UVRAG: variants seen among roughly 807,000 people sequenced by gnomAD.
UVRAG encodes UV radiation resistance associated.
In UVRAG, 19 loss-of-function variants were observed where a neutral mutation model predicts 78.0. The ratio of observed to expected loss-of-function variants is 0.24; its 90% CI spans 0.17 to 0.36. The LOEUF (loss-of-function observed/expected upper bound fraction) is 0.36. Ranked by LOEUF, UVRAG falls within the 10% of genes least tolerant of loss-of-function variation. UVRAG has a pLI of 1.00. For missense variants in UVRAG, 740 were observed against 853.8 expected, an observed-to-expected ratio of 0.87 and a Z score of 1.66; for synonymous variants, 323 against 324.6, an observed-to-expected ratio of 1.00 and a Z score of 0.05.
At chr11:75,972,481 G>A (rs1045637365) in intron 7 of UVRAG, among the ~76,000 whole-genome samples, 3 of 151,846 alleles carry the variant, frequency 2.0e-5, no homozygotes, top group Non-Finnish European at 2.9e-5. Flanking sequence ...TGCATGTGGC[G>A]GTCCAGTGGT....
At chr11:75,944,336 A>G (rs896340679) in intron 6 of UVRAG, among the ~76,000 whole-genome samples, 10 of 152,158 alleles carry the variant, frequency 6.6e-5, no homozygotes, top group Admixed American at 6.6e-4. Context: ...AGATACAGAT[A>G]ACTTCAATAA....
intron 1 of UVRAG, chr11:75,837,612 A>G (rs1359618642): frequency 1.3e-5 from 2 of 152,144 alleles, no homozygotes; most frequent in African/African-American, 4.8e-5. Flanking sequence ...GTTCTGATCA[A>G]CTAGTTGTGA....
chr11:76,051,631 C>T (rs1358381499), intron 12 of UVRAG, among the ~76,000 whole-genome samples: 3 of 152,114 alleles, frequency 2.0e-5, no homozygotes, highest in Admixed American at 6.5e-5. Flanking sequence ...CCCTGAAATT[C>T]CATTCTTTTT....
rs555543743 is a variant in UVRAG, at chr11:75,925,429, G to C, written c.593+13390G>C. Among the ~76,000 whole-genome samples, 7 of 152,308 alleles carry C rather than the reference G, an allele frequency of 4.6e-5. No individual in the cohort carries two copies. In the South Asian group the frequency reaches 1.2e-3, roughly 27 times the overall value. ...TGTTTCACCTTGGAAGAGAATCTGAGACTCAGCATGTTTATCTATTGAGAG... is the reference window on the plus strand; with the variant it reads ...TGTTTCACCTTGGAAGAGAATCTGACACTCAGCATGTTTATCTATTGAGAG... On this transcript the variant is annotated intron_variant, in intron 6 of 14. Coordinates refer to ENST00000356136, the MANE Select transcript of UVRAG (RefSeq NM_003369.4).
intron 13 of UVRAG, among the ~76,000 whole-genome samples, chr11:76,079,189 G>A (rs1252133186): frequency 6.6e-6 from 1 of 152,128 alleles, no homozygotes; most frequent in Non-Finnish European, 1.5e-5. Context: ...GATCAAAAAG[G>A]TTTTAAGATT....
intron 14 of UVRAG, chr11:76,137,714 G>C: frequency 3.1e-6 from 1 of 318,290 alleles, no homozygotes; most frequent in Non-Finnish European, 6.2e-6. Context: ...GTGTGTGCAA[G>C]ATGATGAGAT....
intron 8 of UVRAG, among the ~76,000 whole-genome samples, chr11:75,998,958 G>A (rs993043245): frequency 6.6e-6 from 1 of 152,134 alleles, no homozygotes; most frequent in African/African-American, 2.4e-5. Context: ...ATGGTCTGGG[G>A]TGTGGTGGAG....
chr11:75,905,955 A>G (rs1947605856), intron 5 of UVRAG, among the ~76,000 whole-genome samples: 1 of 151,994 alleles, frequency 6.6e-6, no homozygotes, highest in South Asian at 2.1e-4. Flanking sequence ...ATTTCTCCAC[A>G]TCCTCACTAT....
chr11:76,140,468 G>A (rs1245901371), intron 14 of UVRAG, among the ~76,000 whole-genome samples: 10 of 151,998 alleles, frequency 6.6e-5, no homozygotes, highest in African/African-American at 2.2e-4. Context: ...CCTGCCTTGG[G>A]CCCTCTTCTC....
chr11:75,959,978 C>T (rs1210506424), intron 6 of UVRAG, among the ~76,000 whole-genome samples: 1 of 152,172 alleles, frequency 6.6e-6, no homozygotes, highest in Non-Finnish European at 1.5e-5. Flanking sequence ...ATAAAGTTCA[C>T]TATCTTATAC....
intron 14 of UVRAG, among the ~76,000 whole-genome samples, chr11:76,126,586 T>A (rs1462888791): frequency 6.6e-6 from 1 of 152,226 alleles, no homozygotes; most frequent in African/African-American, 2.4e-5. Context: ...TTAGCATCAT[T>A]TTTAATGGCT....
At chr11:76,035,107 A>G (rs946867401) in intron 12 of UVRAG, among the ~76,000 whole-genome samples, 1 of 152,218 alleles carries the variant, frequency 6.6e-6, no homozygotes, top group Non-Finnish European at 1.5e-5. Flanking sequence ...AAGATGTTCC[A>G]TACAGCGAAT....
At chr11:75,883,602 TC>T (rs1328470121) in intron 4 of UVRAG, among the ~76,000 whole-genome samples, 2 of 152,200 alleles carry the variant, frequency 1.3e-5, no homozygotes, top group African/African-American at 2.4e-5. Context: ...TCATATACTT[TC>T]TACCAGGCAT....
intron 6 of UVRAG, among the ~76,000 whole-genome samples, chr11:75,951,995 A>G (rs769394859): frequency 6.6e-6 from 1 of 152,190 alleles, no homozygotes; most frequent in Non-Finnish European, 1.5e-5. Flanking sequence ...GTCTCCATTT[A>G]TTTAAATATT....
intron 6 of UVRAG, chr11:75,914,231 A>T (rs997593963): frequency 6.6e-6 from 1 of 152,196 alleles, no homozygotes; most frequent in Non-Finnish European, 1.5e-5. Context: ...GTTTGCCATG[A>T]TATATGTGAA....
chr11:76,082,241 C>T (rs576038116), intron 13 of UVRAG, among the ~76,000 whole-genome samples: 1 of 152,038 alleles, frequency 6.6e-6, no homozygotes, highest in South Asian at 2.1e-4. Context: ...TATATCTTGC[C>T]ATTAAAAAAT....
chr11:76,008,181 A>G (rs1949986315), intron 10 of UVRAG, among the ~76,000 whole-genome samples: 2 of 152,100 alleles, frequency 1.3e-5, no homozygotes, highest in Non-Finnish European at 2.9e-5. Flanking sequence ...AAGTGCTCGC[A>G]TATCAGGTGT....
At chr11:76,127,997 C>A (rs1952442776) in intron 14 of UVRAG, among the ~76,000 whole-genome samples, 1 of 151,960 alleles carries the variant, frequency 6.6e-6, no homozygotes, top group Non-Finnish European at 1.5e-5. Context: ...AGAAGATGGG[C>A]ATACTTAAAT....
At chr11:75,903,388 C>T (rs72999561) in intron 5 of UVRAG, among the ~76,000 whole-genome samples, 8,374 of 152,226 alleles carry the variant, frequency 0.055, 291 homozygotes, top group East Asian at 0.17. Context: ...TTCTGGCCCT[C>T]CTTACTTACT....
Sources: allele counts gnomAD v4.1 joint callset (sites outside exome capture counted in the v4.1 genomes callset), GRCh38; gene constraint gnomAD v4.1.1; transcripts MANE v1.5; gene names NCBI Gene and HGNC (gene_info 2026-07-23, HGNC 2026-07-21).